The following MUS81 variants were observed in gnomAD, a reference collection of about 807,000 sequenced individuals.
The protein encoded by MUS81 is MUS81 structure-specific endonuclease subunit, also known as structure-specific endonuclease subunit MUS81.
A neutral mutation model predicts 74.2 loss-of-function variants in MUS81; 69 were observed. The observed-to-expected ratio is 0.93, with a 90% CI of 0.77 to 1.14. MUS81 has a LOEUF of 1.14. Ranked by LOEUF, MUS81 falls within the 50% of genes most tolerant of loss-of-function variation. The pLI is 0.00. For synonymous variants in MUS81, 303 were observed against 300.6 expected, an observed-to-expected ratio of 1.01 and a Z score of -0.08; for missense variants, 711 against 726.5, an observed-to-expected ratio of 0.98 and a Z score of 0.25.
Position 65,865,109 on chromosome 11 carries a change from C to T in MUS81, c.1365C>T (p.Thr455=). The T allele has an allele frequency of 6.2e-7, 1 of 1,614,220 alleles. No individual in the cohort carries two copies. The highest frequency in any genetic ancestry group is 8.5e-7 in the Non-Finnish European group (1 of 1,180,040). Residue 455 remains threonine (T), a synonymous_variant, in exon 13 of 16, where the codon ACC becomes ACT. Coordinates refer to ENST00000308110, the MANE Select transcript of MUS81 (RefSeq NM_025128.5). Reference sequence around the variant, plus strand: ...CAAACCCTCTCTGCTCACTCCTCACCTTCAGTGACTTCAACGCAGGAGCCA... The same window carrying T: ...CAAACCCTCTCTGCTCACTCCTCACTTTCAGTGACTTCAACGCAGGAGCCA... The part of the protein sequence containing the change: ...TSPNPLCSLL[T]FSDFNAGAIK...
At chr11:65,864,904 G>A in intron 12 of MUS81, 89 bp downstream of exon 12, 3 of 1,579,284 alleles carry the variant, frequency 1.9e-6, no homozygotes, top group Non-Finnish European at 1.7e-6. Context: ...AAGAAGCAAG[G>A]TGGGTGAGAT....
At chr11:65,861,201 T>TC in intron 2 of MUS81, 99 bp downstream of exon 2, 1 of 1,583,562 alleles carries the variant, frequency 6.3e-7, no homozygotes, top group Non-Finnish European at 8.6e-7. Flanking sequence ...CCCACTCCTG[T>TC]CCCAGTTGCC....
chr11:65,860,374 AG>A, upstream of MUS81: 2 of 475,868 alleles, frequency 4.2e-6, no homozygotes, highest in African/African-American at 1.9e-5. Context: ...TCCCCGTCAC[AG>A]GGGGCGCTGT....
chr11:65,863,876 T>A lies in MUS81; in HGVS notation c.1034T>A (p.Ile345Asn), dbSNP rs1859713113. The A allele has an allele frequency of 6.2e-7, 1 of 1,614,136 alleles. No homozygotes were observed. The highest frequency in any genetic ancestry group is 8.5e-7 in the Non-Finnish European group (1 of 1,179,996). The change falls in exon 10 of 16, where the codon ATC becomes AAC. Residue 345 changes from isoleucine (I) to asparagine (N), a missense_variant. By Grantham distance (149) the Ile-to-Asn change is moderately radical (BLOSUM62 -3). Coordinates refer to ENST00000308110, the MANE Select transcript of MUS81 (RefSeq NM_025128.5). ...CTGGATGACCTTTGCAGCAGCATCA[T>A]CGACGGCCGCTTCCGGGAGCAGAAG... ...KRLDDLCSSIIDGRFREQKFR... is the reference protein window; with the variant it reads ...KRLDDLCSSINDGRFREQKFR...
intron 14 of MUS81, 79 bp from the exon 15 acceptor site, chr11:65,865,732 C>T: frequency 7.1e-7 from 1 of 1,408,142 alleles, no homozygotes; most frequent in South Asian, 1.2e-5. Context: ...CCCATGCTGA[C>T]CCCTCTGCCT....
chr11:65,866,043 C>G lies in MUS81; in HGVS notation c.1647C>G (p.Pro549=), dbSNP rs1320309699. ...TLSQLYCSYG[P]LT is the part of the protein sequence containing the mutation. Reference sequence around the variant, plus strand: ...CCCAGCTCTACTGCAGCTACGGCCCCTTGACCTGAGCTTATGCCGTGAAAC... The same window carrying G: ...CCCAGCTCTACTGCAGCTACGGCCCGTTGACCTGAGCTTATGCCGTGAAAC... Residue 549 remains proline (P), a synonymous_variant, in exon 16 of 16, where the codon CCC becomes CCG. Coordinates refer to ENST00000308110, the MANE Select transcript of MUS81 (RefSeq NM_025128.5). 1.9e-6 allele frequency: 3 copies of G among 1,613,996 alleles called. No individual in the cohort carries two copies. In the South Asian group the frequency reaches 3.3e-5, roughly 18 times the overall value.
chr11:65,863,841 G>A lies in MUS81; in HGVS notation c.999G>A (p.Glu333=), dbSNP rs757640002. 3.1e-6 allele frequency: 5 copies of A among 1,614,076 alleles called. No homozygotes were observed. The African/African-American group carries it at 4.0e-5, about 13-fold the overall frequency. The change falls in exon 10 of 16, where the codon GAG becomes GAA. Residue 333 remains glutamate (E), a synonymous_variant. Transcript: ENST00000308110. ...PGELVLDHIV[E]RKRLDDLCSS... ...AGTTGGTACTGGATCACATTGTGGA[G>A]CGCAAGCGACTGGATGACCTTTGCA...
chr11:65,864,755 C>G lies in MUS81; in HGVS notation c.1212C>G (p.Asp404Glu), dbSNP rs1269503375. The G allele has an allele frequency of 6.2e-7, 1 of 1,613,976 alleles. No homozygotes were observed. The highest frequency in any genetic ancestry group is 1.3e-5 in the African/African-American group (1 of 74,914). The change falls in exon 12 of 16, where the codon GAC becomes GAG. Residue 404 changes from aspartate to glutamate, a missense_variant. By Grantham distance (45) the Asp-to-Glu change is conservative. Transcript: ENST00000308110. ...IDGFFVKRTADIKESAAYLAL... is the reference protein window; with the variant it reads ...IDGFFVKRTAEIKESAAYLAL... ...GCTTTTTTGTGAAGCGCACAGCAGACATTAAGGAGTCAGCCGCCTACCTGG... is the reference window on the plus strand; with the variant it reads ...GCTTTTTTGTGAAGCGCACAGCAGAGATTAAGGAGTCAGCCGCCTACCTGG...
In MUS81 at chr11:65,864,704, G is replaced by A. The variant is rs770106242; in HGVS notation, c.1177-16G>A. On this transcript the variant is annotated splice_polypyrimidine_tract_variant and intron_variant, in intron 11 of 15. Transcript: ENST00000308110. ...GGCCAGGAGCCACCTTCCCTCTCTT[G>A]GGTCCTCTTCCCCAGGTCATTGATG... 3 of 1,613,966 alleles carry A rather than the reference G, an allele frequency of 1.9e-6. No homozygotes were observed. The highest frequency in any genetic ancestry group is 4.5e-5 in the East Asian group (2 of 44,886).
chr11:65,863,885 G>A lies in MUS81; in HGVS notation c.1043G>A (p.Arg348His), dbSNP rs751211264. 18 of 1,613,988 alleles carry A rather than the reference G, an allele frequency of 1.1e-5. No individual in the cohort carries two copies. Among genetic ancestry groups the A allele is most frequent in the African/African-American group, 2.7e-5 (2 of 74,922 alleles). The change falls in exon 10 of 16, where the codon CGC becomes CAC. Residue 348 changes from arginine (R) to histidine (H), a missense_variant. By Grantham distance (29) the Arg-to-His change is conservative (BLOSUM62 0). Coordinates refer to ENST00000308110, the MANE Select transcript of MUS81 (RefSeq NM_025128.5). ...DDLCSSIIDG[R>H]FREQKFRLKR... ...CTTTGCAGCAGCATCATCGACGGCC[G>A]CTTCCGGGAGCAGAAGGTAATTTTG...
chr11:65,862,091 G>A lies in MUS81; in HGVS notation c.450+46G>A, dbSNP rs1032100544. 4 of 1,595,574 alleles carry A rather than the reference G, an allele frequency of 2.5e-6. No individual in the cohort carries two copies. In the African/African-American group the frequency reaches 5.4e-5, roughly 21 times the overall value. On this transcript the variant is annotated intron_variant, in intron 4 of 15. Coordinates refer to ENST00000308110, the MANE Select transcript of MUS81 (RefSeq NM_025128.5). ...GGAGGCGGAACCATGGCAGTGGGGT[G>A]GGAGGTTCCCCGAGGGGCCTGGCCC...
In MUS81 at chr11:65,860,853, C is replaced by G. The variant is rs764964920; in HGVS notation, c.100C>G (p.Arg34Gly). The change falls in exon 1 of 16, where the codon CGC becomes GGC. Residue 34 changes from arginine (R) to glycine (G), a missense_variant. Physicochemically the swap from Arg to Gly is moderately radical, Grantham distance 125. Transcript: ENST00000308110. The part of the protein sequence containing the change: ...WLTEWRDEAT[R>G]SRRRTRFVFQ... ...GACCGAGTGGCGGGACGAGGCGACC[C>G]GCAGCAGGCGCCGCACGCGCTTCGT... 7.0e-5 allele frequency: 108 copies of G among 1,545,880 alleles called. No individual in the cohort carries two copies. In the African/African-American group the frequency reaches 1.1e-3, roughly 16 times the overall value.
rs1859805871 is a variant in MUS81, at chr11:65,865,794, A to T, written c.1506-17A>T. ...GGGCCACTGTCAGCCTCAGAAACTCAAACCCCTGCCCCCCAGCCTCCTGGC... is the reference window on the plus strand; with the variant it reads ...GGGCCACTGTCAGCCTCAGAAACTCTAACCCCTGCCCCCCAGCCTCCTGGC... On this transcript the variant is annotated splice_polypyrimidine_tract_variant and intron_variant, in intron 14 of 15. Transcript: ENST00000308110. 1 of 1,612,648 alleles carries T rather than the reference A, an allele frequency of 6.2e-7. No individual in the cohort carries two copies.
rs774561883 is a variant in MUS81 at position 65,860,885 on chromosome 11, G to C, written c.132G>C (p.Gln44His). 2 of 1,589,186 alleles carry C rather than the reference G, an allele frequency of 1.3e-6. No individual in the cohort carries two copies. Among genetic ancestry groups the C allele is most frequent in the Non-Finnish European group, 1.7e-6 (2 of 1,170,384 alleles). ...GGCGCCGCACGCGCTTCGTATTTCAGAAGGTGGGTCCTGGCGTGGCCCGAT... is the reference window on the plus strand; with the variant it reads ...GGCGCCGCACGCGCTTCGTATTTCACAAGGTGGGTCCTGGCGTGGCCCGAT... ...RSRRRTRFVF[Q>H]KALRSLRRYP... Residue 44 changes from glutamine to histidine, a missense_variant, in exon 1 of 16, where the codon CAG becomes CAC. Physicochemically the swap from Gln to His is conservative, Grantham distance 24. Coordinates refer to ENST00000308110, the MANE Select transcript of MUS81 (RefSeq NM_025128.5).
chr11:65,860,081 CTT>C (rs2134718118), upstream of MUS81: 2 of 356,306 alleles, frequency 5.6e-6, no homozygotes, highest in South Asian at 2.0e-5. Context: ...ACCACACACT[CTT>C]TGCCCTGTAT....
intron 6 of MUS81, 136 bp from the exon 7 acceptor site, chr11:65,862,929 G>A (rs999055220): frequency 6.5e-6 from 7 of 1,075,706 alleles, no homozygotes; most frequent in Non-Finnish European, 9.7e-6. Context: ...AGAAGACCAG[G>A]AGGAGCAGGA....
At chr11:65,863,030 G>A (rs200888904) in intron 6 of MUS81, 35 bp from the exon 7 acceptor site, 4 of 1,613,258 alleles carry the variant, frequency 2.5e-6, no homozygotes, top group Non-Finnish European at 2.5e-6. Flanking sequence ...AATGAGTGAA[G>A]AAGGTAGAGC....
intron 10 of MUS81, 43 bp from the exon 11 acceptor site, chr11:65,864,454 C>T (rs774184400): frequency 1.3e-6 from 2 of 1,550,018 alleles, no homozygotes; most frequent in South Asian, 2.2e-5. Flanking sequence ...GGCATGTGGT[C>T]ATCCAGCCTG....
In MUS81 at chr11:65,864,633, C is replaced by T. The variant is rs1565268825; in HGVS notation, c.1176+20C>T. 8.7e-6 allele frequency: 14 copies of T among 1,612,580 alleles called. No individual in the cohort carries two copies. Among genetic ancestry groups the T allele is most frequent in the Non-Finnish European group, 1.1e-5 (13 of 1,178,882 alleles). On this transcript the variant is annotated intron_variant, in intron 11 of 15. Transcript: ENST00000308110. ...ACTCAGGTGAGCTGGGAGGGCAGGG[C>T]CAGGCAGGCAGGCAGGGGCCCCTGT... is the stretch of plus-strand genomic sequence containing the variant.
Sources: allele counts gnomAD v4.1 joint callset, GRCh38; gene constraint gnomAD v4.1.1; transcripts MANE v1.5; gene names NCBI Gene and HGNC (gene_info 2026-07-23, HGNC 2026-07-21).